The following ARHGAP35 variants were observed in gnomAD, a reference collection of about 807,000 sequenced individuals.
The protein encoded by ARHGAP35 is rho GTPase-activating protein 35.
ARHGAP35 carries 15 observed loss-of-function variants against 111.1 expected under a neutral mutation model. The ratio of observed to expected loss-of-function variants is 0.13; its 90% CI spans 0.09 to 0.21. The LOEUF (loss-of-function observed/expected upper bound fraction) is 0.21, where lower values mean the gene tolerates loss of function less well. Ranked by LOEUF, ARHGAP35 falls within the 10% of genes least tolerant of loss-of-function variation. The probability of loss-of-function intolerance (pLI) is 1.00; values close to 1 mark genes in which losing one functional copy is unlikely to be tolerated. For missense variants in ARHGAP35, 1,262 were observed against 1,873.0 expected (o/e 0.67, Z 6.02); for synonymous variants, 643 against 710.3 (o/e 0.91, Z 1.51).
intron 3 of ARHGAP35, among the ~76,000 whole-genome samples, chr19:46,958,072 A>G (rs879428442): frequency 6.6e-6 from 1 of 151,068 alleles, no homozygotes. Context: ...CCTGGCCACC[A>G]TCTTAATCAT....
At position 46,895,137 on chromosome 19, in the gene ARHGAP35, GA is replaced by G. The variant is rs368432532; in HGVS notation, c.-188-23345del. Among the ~76,000 whole-genome samples the G allele has an allele frequency of 2.0e-5, 3 of 151,170 alleles. No homozygotes were observed. In the East Asian group the frequency reaches 5.8e-4, roughly 29 times the overall value. On this transcript the variant is annotated intron_variant, in intron 1 of 6. Coordinates refer to ENST00000672722, the MANE Select transcript of ARHGAP35 (RefSeq NM_004491.5). ...TGAATTTTTGCAATTGGATGAGGGGGAAAAAAGCTGAAATTTAAGGGCAAAA... is the reference window on the plus strand; with the variant it reads ...TGAATTTTTGCAATTGGATGAGGGGGAAAAAGCTGAAATTTAAGGGCAAAA...
intron 1 of ARHGAP35, among the ~76,000 whole-genome samples, chr19:46,886,261 A>C (rs567029012): frequency 3.5e-4 from 54 of 152,316 alleles, no homozygotes; most frequent in Middle Eastern, 3.4e-3. Context: ...TATGGTAACC[A>C]CCAGTCACGT....
At chr19:46,898,610 T>C (rs574237321) in intron 1 of ARHGAP35, among the ~76,000 whole-genome samples, 112 of 152,334 alleles carry the variant, frequency 7.4e-4, no homozygotes, top group Admixed American at 1.5e-3. Flanking sequence ...ATCAGGAAAG[T>C]AGAAACCACT....
rs565671600 is a variant in ARHGAP35 at position 47,000,765 on chromosome 19, T to C, written c.*77T>C. 47 of 1,530,942 alleles carry C rather than the reference T, an allele frequency of 3.1e-5. No individual in the cohort carries two copies. In the Admixed American group the frequency reaches 3.7e-4, roughly 12 times the overall value. 94.8% of individuals were successfully genotyped at this position (1,530,942 alleles called of 1,614,324 possible). A position where few individuals can be genotyped will look rare whatever the true frequency, so the allele number is the denominator to read the frequency against. ...GCATTTGGCCTTGAACAAAACCAAG[T>C]CCACTGGGGACAGAGGCAGGGGCAA... On this transcript the variant is annotated 3_prime_UTR_variant, in exon 7 of 7. Coordinates refer to ENST00000672722, the MANE Select transcript of ARHGAP35 (RefSeq NM_004491.5). The surrounding 1 kb of genome is among the most constrained non-coding windows in gnomAD (Gnocchi z 6.9).
chr19:46,957,196 C>T (rs927949868), intron 3 of ARHGAP35, among the ~76,000 whole-genome samples: 4 of 151,802 alleles, frequency 2.6e-5, no homozygotes, highest in Admixed American at 6.6e-5. Context: ...CTCCTGACCT[C>T]GTGATCCACC....
chr19:46,992,773 G>A lies in ARHGAP35; in HGVS notation c.4036+3098G>A, dbSNP rs1035354310. Reference sequence around the variant, plus strand: ...GTCATTTTCATCACATTGTTGAAGGGGATGTGTGACCCGAACATGGTTCAG... The same window carrying A: ...GTCATTTTCATCACATTGTTGAAGGAGATGTGTGACCCGAACATGGTTCAG... On this transcript the variant is annotated intron_variant, in intron 5 of 6. Coordinates refer to ENST00000672722, the MANE Select transcript of ARHGAP35 (RefSeq NM_004491.5). The surrounding 1 kb of genome is among the most constrained non-coding windows in gnomAD (Gnocchi z 4.4). Among the ~76,000 whole-genome samples, 2 of 152,172 alleles carry A rather than the reference G, an allele frequency of 1.3e-5. No individual in the cohort carries two copies. The highest frequency in any genetic ancestry group is 1.9e-4 in the East Asian group (1 of 5,194).
At chr19:46,894,562 C>T (rs535620384) in intron 1 of ARHGAP35, among the ~76,000 whole-genome samples, 1 of 151,288 alleles carries the variant, frequency 6.6e-6, no homozygotes, top group Admixed American at 6.6e-5. Context: ...TCTCCTGCCT[C>T]AGCCTCTCGA....
rs775752352 is a variant in ARHGAP35 at position 46,921,041 on chromosome 19, T to C, written c.2366T>C (p.Met789Thr). ...DVDLRIVMCLMCGDPFSADDI... is the reference protein window; with the variant it reads ...DVDLRIVMCLTCGDPFSADDI... Reference sequence around the variant, plus strand: ...GATCTGCGAATTGTTATGTGTCTGATGTGTGGAGATCCTTTTAGTGCAGAT... The same window carrying C: ...GATCTGCGAATTGTTATGTGTCTGACGTGTGGAGATCCTTTTAGTGCAGAT... Residue 789 changes from methionine to threonine, a missense_variant, in exon 2 of 7, where the codon ATG becomes ACG. Physicochemically the swap from Met to Thr is moderately conservative, Grantham distance 81 (BLOSUM62 -1). Around this residue, in one of 8 missense-constraint regions of ARHGAP35, gnomAD observed 579 missense variants for 716.9 expected, o/e 0.81. Coordinates refer to ENST00000672722, the MANE Select transcript of ARHGAP35 (RefSeq NM_004491.5). The surrounding 1 kb of genome is among the most constrained non-coding windows in gnomAD (Gnocchi z 4.3). 1 of 1,614,032 alleles carries C rather than the reference T, an allele frequency of 6.2e-7. No individual in the cohort carries two copies. Among genetic ancestry groups the C allele is most frequent in the Non-Finnish European group, 8.5e-7 (1 of 1,179,914 alleles).
intron 3 of ARHGAP35, among the ~76,000 whole-genome samples, chr19:46,956,716 C>T (rs2056441303): frequency 6.6e-6 from 1 of 152,202 alleles, no homozygotes; most frequent in African/African-American, 2.4e-5. Flanking sequence ...CACATGGAGT[C>T]AGTCTCTTTG....
intron 2 of ARHGAP35, among the ~76,000 whole-genome samples, chr19:46,931,187 G>A (rs1429270134): frequency 3.3e-5 from 5 of 152,162 alleles, no homozygotes; most frequent in African/African-American, 7.2e-5. Flanking sequence ...GATAGTCTGC[G>A]TCTCAGCTCA....
intron 1 of ARHGAP35, among the ~76,000 whole-genome samples, chr19:46,909,035 C>T (rs762689717): frequency 6.6e-6 from 1 of 151,610 alleles, no homozygotes; most frequent in Non-Finnish European, 1.5e-5. Context: ...TGGTGTGGCT[C>T]ACGCCTGTAA....
chr19:46,953,348 A>G (rs1440133306), intron 3 of ARHGAP35, among the ~76,000 whole-genome samples: 1 of 152,140 alleles, frequency 6.6e-6, no homozygotes, highest in Non-Finnish European at 1.5e-5. Flanking sequence ...GCTTTTGAGA[A>G]GGTCCTGAAG....
Position 46,994,851 on chromosome 19 carries a change from T to A in ARHGAP35, c.4037-4453T>A, listed in dbSNP as rs892981478. Among the ~76,000 whole-genome samples the A allele has an allele frequency of 3.3e-5, 5 of 152,126 alleles. No individual in the cohort carries two copies. Among genetic ancestry groups the A allele is most frequent in the Admixed American group, 6.5e-5 (1 of 15,276 alleles). Reference sequence around the variant, plus strand: ...ACAAATGACCCAAGGAGGAGGGGCCTCCCAAATCCGAGAATGAAAGAATTC... The same window carrying A: ...ACAAATGACCCAAGGAGGAGGGGCCACCCAAATCCGAGAATGAAAGAATTC... On this transcript the variant is annotated intron_variant, in intron 5 of 6. Transcript: ENST00000672722. This position sits in a 1 kb window ranked among gnomAD's most constrained non-coding sequence, Gnocchi z 5.4.
chr19:46,975,470 A>G (rs1358040079), intron 3 of ARHGAP35, among the ~76,000 whole-genome samples: 1 of 152,026 alleles, frequency 6.6e-6, no homozygotes, highest in Non-Finnish European at 1.5e-5. Context: ...CACAGTGAGA[A>G]TCCTGGGCCT....
In ARHGAP35 at chr19:46,869,475, A is replaced by AG. The variant is rs2055875939; in HGVS notation, c.-189+8266_-189+8267insG. Reference sequence around the variant, plus strand: ...GTGAGACCTTGTCTCAAGAAAAAAAATTGTGTGTGTGTGTGTGTGTGTGTG... The same window carrying AG: ...GTGAGACCTTGTCTCAAGAAAAAAAAGTTGTGTGTGTGTGTGTGTGTGTGTG... On this transcript the variant is annotated intron_variant, in intron 1 of 6. Coordinates refer to ENST00000672722, the MANE Select transcript of ARHGAP35 (RefSeq NM_004491.5). Among the ~76,000 whole-genome samples the AG allele has an allele frequency of 3.4e-5, 4 of 118,186 alleles. No individual in the cohort carries two copies. In the South Asian group the frequency reaches 8.4e-4, roughly 25 times the overall value. The allele number at this position is 118,186 out of a possible 152,430, so 77.5% of individuals were successfully genotyped here.
chr19:46,870,096 G>A (rs903025304), intron 1 of ARHGAP35, among the ~76,000 whole-genome samples: 3 of 151,454 alleles, frequency 2.0e-5, no homozygotes, highest in African/African-American at 7.3e-5. Flanking sequence ...ACAGGCGCCC[G>A]CCACCATGCC....
chr19:46,994,347 G>A lies in ARHGAP35; in HGVS notation c.4036+4672G>A, dbSNP rs531669976. Reference sequence around the variant, plus strand: ...GGTGAGTGGCTGCCCTGAGTGTGCCGCTGCCCTGTGACCAGGTCCACACAG... The same window carrying A: ...GGTGAGTGGCTGCCCTGAGTGTGCCACTGCCCTGTGACCAGGTCCACACAG... On this transcript the variant is annotated intron_variant, in intron 5 of 6. Transcript: ENST00000672722. The surrounding 1 kb of genome is among the most constrained non-coding windows in gnomAD (Gnocchi z 5.4). Among the ~76,000 whole-genome samples the A allele has an allele frequency of 2.5e-4, 38 of 152,256 alleles. 1 individual carries two copies. In the East Asian group the frequency reaches 5.0e-3, roughly 20 times the overall value.
rs191641015 is a variant in ARHGAP35, at chr19:46,945,137, G to A, written c.3826+7729G>A. On this transcript the variant is annotated intron_variant, in intron 3 of 6. Coordinates refer to ENST00000672722, the MANE Select transcript of ARHGAP35 (RefSeq NM_004491.5). This position sits in a 1 kb window ranked among gnomAD's most constrained non-coding sequence, Gnocchi z 4.1. ...GGCATGTCACTGCCACAGCTGCTCT[G>A]GGACCGCCACTGAGAGTGGGAAGGA... Among the ~76,000 whole-genome samples, 7 of 152,320 alleles carry A rather than the reference G, an allele frequency of 4.6e-5. No individual in the cohort carries two copies. The highest frequency in any genetic ancestry group is 1.7e-4 in the African/African-American group (7 of 41,578).
intron 1 of ARHGAP35, among the ~76,000 whole-genome samples, chr19:46,881,902 G>T (rs540824648): frequency 6.6e-6 from 1 of 152,146 alleles, no homozygotes; most frequent in Non-Finnish European, 1.5e-5. Context: ...CAGCTTCTCC[G>T]TCAGCACTTG....
Sources: allele counts gnomAD v4.1 joint callset (sites outside exome capture counted in the v4.1 genomes callset), GRCh38; gene constraint gnomAD v4.1.1; regional missense constraint gnomAD v4.1.1; non-coding constraint Gnocchi (gnomAD v3.1); transcripts MANE v1.5; gene names NCBI Gene and HGNC (gene_info 2026-07-23, HGNC 2026-07-21).